UXS1: variants seen among roughly 807,000 people sequenced by gnomAD.
UXS1 encodes UDP-glucuronate decarboxylase 1.
A neutral mutation model predicts 62.6 loss-of-function variants in UXS1; 33 were observed. That is an observed-to-expected ratio of 0.53 (90% CI 0.40 to 0.70). UXS1 has a LOEUF of 0.70. UXS1 is among the 30% of genes least tolerant of loss of function. The probability of loss-of-function intolerance (pLI) is 0.00; values close to 1 mark genes in which losing one functional copy is unlikely to be tolerated. For synonymous variants in UXS1, 213 were observed against 206.8 expected, an observed-to-expected ratio of 1.03 and a Z score of -0.26; for missense variants, 434 against 556.3, an observed-to-expected ratio of 0.78 and a Z score of 2.21.
chr2:106,182,052 C>G (rs931754253), intron 1 of UXS1, among the ~76,000 whole-genome samples: 1 of 152,106 alleles, frequency 6.6e-6, no homozygotes, highest in African/African-American at 2.4e-5. Context: ...GATACTTGAT[C>G]TTGATGTAGA....
In UXS1 at chr2:106,150,530, G is replaced by C. The variant is rs185004644; in HGVS notation, c.292-5160C>G. Among the ~76,000 whole-genome samples, 5 of 152,306 alleles carry C rather than the reference G, an allele frequency of 3.3e-5. No individual in the cohort carries two copies. In the East Asian group the frequency reaches 9.7e-4, roughly 29 times the overall value. Reference sequence around the variant, plus strand: ...CCTCAGCCAGCACAGCTGTGGCTCCGGCCAGTCCAGGTGCAGCTCAAGCTA... The same window carrying C: ...CCTCAGCCAGCACAGCTGTGGCTCCCGCCAGTCCAGGTGCAGCTCAAGCTA... On this transcript the variant is annotated intron_variant, in intron 5 of 14. Coordinates refer to ENST00000283148, the MANE Select transcript of UXS1 (RefSeq NM_001253875.2).
At chr2:106,124,916 CAAT>C (rs1392370636) in intron 8 of UXS1, among the ~76,000 whole-genome samples, 2 of 152,262 alleles carry the variant, frequency 1.3e-5, no homozygotes, top group East Asian at 1.9e-4. Flanking sequence ...CTCTTGTCCA[CAAT>C]AATAATGTAA....
At chr2:106,104,735 T>G in intron 11 of UXS1, 59 bp downstream of exon 11, 1 of 1,602,766 alleles carries the variant, frequency 6.2e-7, no homozygotes, top group Non-Finnish European at 8.5e-7. Flanking sequence ...GTCTGTCAAG[T>G]TGGCATGACC....
chr2:106,143,379 A>AG (rs1484406837), intron 6 of UXS1, among the ~76,000 whole-genome samples: 1 of 131,718 alleles, frequency 7.6e-6, no homozygotes, highest in East Asian at 2.5e-4. Context: ...ACTGCACTCC[A>AG]GCCTGGGCAA....
At chr2:106,185,164 T>G (rs1371450520) in intron 1 of UXS1, among the ~76,000 whole-genome samples, 2 of 152,154 alleles carry the variant, frequency 1.3e-5, no homozygotes. Context: ...ACTGCCCAAA[T>G]TGTATCCTTC....
At chr2:106,107,569 G>C (rs192954909) in intron 10 of UXS1, among the ~76,000 whole-genome samples, 1 of 152,354 alleles carries the variant, frequency 6.6e-6, no homozygotes, top group African/African-American at 2.4e-5. Flanking sequence ...AACCACGCCA[G>C]GTACCTGCTC....
At chr2:106,097,062 T>TG (rs1368342137) in intron 13 of UXS1, 3 of 634,860 alleles carry the variant, frequency 4.7e-6, no homozygotes, top group Non-Finnish European at 8.8e-6. Flanking sequence ...AAGAGCTCGG[T>TG]GGGGGGCAGG....
intron 6 of UXS1, among the ~76,000 whole-genome samples, chr2:106,144,271 C>T (rs1049747826): frequency 6.6e-6 from 1 of 152,174 alleles, no homozygotes; most frequent in Admixed American, 6.5e-5. Context: ...CATAATTAAA[C>T]GTTTAAAAAT....
intron 14 of UXS1, among the ~76,000 whole-genome samples, chr2:106,096,142 C>CGT (rs1677065406): frequency 6.6e-6 from 1 of 152,084 alleles, no homozygotes; most frequent in Non-Finnish European, 1.5e-5. Flanking sequence ...GGGCTCTGAG[C>CGT]GTGTGCTGCC....
chr2:106,138,406 T>C, intron 6 of UXS1: 1 of 985,390 alleles, frequency 1.0e-6, no homozygotes, highest in Non-Finnish European at 1.2e-6. Flanking sequence ...TTCCTGATGC[T>C]CTCCACAGTG....
At chr2:106,142,142 G>A (rs946017383) in intron 6 of UXS1, among the ~76,000 whole-genome samples, 10 of 152,150 alleles carry the variant, frequency 6.6e-5, no homozygotes, top group Non-Finnish European at 1.2e-4. Flanking sequence ...AAAGTGCTGG[G>A]ATTATAGGTG....
At chr2:106,169,646 G>A (rs1462046941) in intron 1 of UXS1, among the ~76,000 whole-genome samples, 1 of 152,074 alleles carries the variant, frequency 6.6e-6, no homozygotes, top group African/African-American at 2.4e-5. Context: ...CTGAGAAAGC[G>A]CCACTACTCC....
intron 1 of UXS1, among the ~76,000 whole-genome samples, chr2:106,169,166 T>C (rs1461597522): frequency 6.6e-6 from 1 of 152,208 alleles, no homozygotes; most frequent in African/African-American, 2.4e-5. Flanking sequence ...GAGCCACCAG[T>C]TGCCCAACCC....
At chr2:106,192,977 C>G (rs933535060) in intron 1 of UXS1, among the ~76,000 whole-genome samples, 1 of 152,110 alleles carries the variant, frequency 6.6e-6, no homozygotes, top group African/African-American at 2.4e-5. Context: ...TCAAGATTGA[C>G]CACACACACA....
intron 14 of UXS1, among the ~76,000 whole-genome samples, chr2:106,094,964 TAAAC>T (rs1203789704): frequency 4.6e-5 from 7 of 152,324 alleles, no homozygotes; most frequent in East Asian, 1.9e-4. Context: ...AACAAGCTGT[TAAAC>T]ACACACACTT....
chr2:106,123,206 G>T (rs754318715), intron 8 of UXS1, 115 bp from the exon 9 acceptor site: 1 of 1,474,146 alleles, frequency 6.8e-7, no homozygotes, highest in Non-Finnish European at 9.1e-7. Context: ...GAGATGGAGA[G>T]ATGTATTAAA....
In UXS1 at chr2:106,122,914, C is replaced by T. The variant is rs146097866; in HGVS notation, c.759+56G>A. 289 of 1,598,818 alleles carry T rather than the reference C, an allele frequency of 1.8e-4. 3 individuals are homozygous for T. The African/African-American group carries it at 3.4e-3, about 19-fold the overall frequency. ...TTCATTCCTTTACAACACTTTACAT[C>T]TGAGGTCAGGGTGCTCAGCACGCCT... On this transcript the variant is annotated intron_variant, in intron 9 of 14. Coordinates refer to ENST00000283148, the MANE Select transcript of UXS1 (RefSeq NM_001253875.2).
intron 1 of UXS1, among the ~76,000 whole-genome samples, chr2:106,181,346 A>G (rs1684234727): frequency 6.6e-6 from 1 of 152,286 alleles, no homozygotes; most frequent in East Asian, 1.9e-4. Flanking sequence ...CTCCCTTCTC[A>G]GCAGGCTCCA....
intron 4 of UXS1, among the ~76,000 whole-genome samples, chr2:106,158,451 G>A (rs993057692): frequency 6.6e-6 from 1 of 152,232 alleles, no homozygotes; most frequent in Non-Finnish European, 1.5e-5. Flanking sequence ...CCATGAGGGA[G>A]ATGGCCGTGA....
Sources: allele counts gnomAD v4.1 joint callset (sites outside exome capture counted in the v4.1 genomes callset), GRCh38; gene constraint gnomAD v4.1.1; transcripts MANE v1.5; gene names NCBI Gene and HGNC (gene_info 2026-07-23, HGNC 2026-07-21).